The following PSG8 variants were observed in gnomAD, a reference collection of about 807,000 sequenced individuals.
The protein encoded by PSG8 is pregnancy-specific beta-1-glycoprotein 8.
PSG8 carries 57 observed loss-of-function variants against 42.5 expected under a neutral mutation model. The observed-to-expected ratio is 1.34, with a 90% CI of 1.08 to 1.67. The LOEUF is 1.67. PSG8 is among the 40% of genes most tolerant of loss of function. PSG8 has a pLI of 0.00. For missense variants in PSG8, 783 were observed against 518.6 expected (o/e 1.51, Z -4.95); for synonymous variants, 280 against 196.8 (o/e 1.42, Z -3.54).
In PSG8 at chr19:42,758,239, G is replaced by A; in HGVS notation, c.472C>T (p.Pro158Ser). Residue 158 changes from proline (P) to serine (S), a missense_variant, in exon 3 of 5, where the codon CCC (proline) becomes TCC (serine). Coordinates refer to ENST00000306511, the MANE Select transcript of PSG8 (RefSeq NM_182707.3). ...CTCACAGCCTCCATGGCCTCCCTGG[G>A]GTTTAATTTGCTGCTGGAGATGGAG... ...KPSISSSKLN[P>S]REAMEAVSLT... 11 of 1,613,980 alleles carry A rather than the reference G, an allele frequency of 6.8e-6. No individual in the cohort carries two copies. The highest frequency in any genetic ancestry group is 7.6e-6 in the Non-Finnish European group (9 of 1,179,938).
At chr19:42,753,982 A>G, downstream of PSG8, 1 of 652,462 alleles carries the variant, frequency 1.5e-6, no homozygotes, top group Non-Finnish European at 2.7e-6. Flanking sequence ...TATAAGCTAC[A>G]GATAGGTTAA....
chr19:42,760,615 C>G (rs1480604632), intron 2 of PSG8, among the ~76,000 whole-genome samples: 1 of 151,964 alleles, frequency 6.6e-6, no homozygotes, highest in African/African-American at 2.4e-5. Context: ...CAGAGTCTCA[C>G]TCTGTCACCC....
chr19:42,755,828 A>T (rs1356491770), intron 3 of PSG8: 1 of 159,174 alleles, frequency 6.3e-6, no homozygotes, highest in Non-Finnish European at 1.4e-5. Context: ...AGGTCAGTTC[A>T]GTCATCAGGC....
At position 42,764,153 on chromosome 19, in the gene PSG8, A is replaced by G. The variant is rs770223171; in HGVS notation, c.193T>C (p.Tyr65His). 1.9e-6 allele frequency: 3 copies of G among 1,613,922 alleles called. No homozygotes were observed. Among genetic ancestry groups the G allele is most frequent in the African/African-American group, 2.7e-5 (2 of 74,996 alleles). ...CTGATTTGCCCTTTGTACCAGATGT[A>G]GCCAGTAAGATTCTGGGGCAAATTG... Reference protein sequence around the residue: ...VHNLPQNLTGYIWYKGQIRDL... With the variant: ...VHNLPQNLTGHIWYKGQIRDL... Residue 65 changes from tyrosine (Y) to histidine (H), a missense_variant, in exon 2 of 5, where the codon TAC becomes CAC. Coordinates refer to ENST00000306511, the MANE Select transcript of PSG8 (RefSeq NM_182707.3).
intron 3 of PSG8, among the ~76,000 whole-genome samples, chr19:42,757,652 C>G (rs1039216146): frequency 2.0e-5 from 3 of 152,118 alleles, no homozygotes; most frequent in East Asian, 1.9e-4. Flanking sequence ...GGGAAAATCT[C>G]GTCTGTGGAA....
Position 42,758,048 on chromosome 19 carries a change from G to A in PSG8, c.663C>T (p.Asn221=), listed in dbSNP as rs146905361. 43 of 1,614,034 alleles carry A rather than the reference G, an allele frequency of 2.7e-5. No individual in the cohort carries two copies. The East Asian group carries it at 8.5e-4, about 32-fold the overall frequency. ...GGTCACTGCGGCTGGCACTCACTGG[G>A]TTCCGTATTTCACATTCATAGGGTC... ...TAGPYECEIR[N]PVSASRSDPF... The change falls in exon 3 of 5, where the codon AAC becomes AAT. Residue 221 remains asparagine, a synonymous_variant. Coordinates refer to ENST00000306511, the MANE Select transcript of PSG8 (RefSeq NM_182707.3).
At position 42,757,476 on chromosome 19, in the gene PSG8, C is replaced by T. The variant is rs529062313; in HGVS notation, c.709+526G>A. Among the ~76,000 whole-genome samples, 173 of 152,120 alleles carry T rather than the reference C, an allele frequency of 1.1e-3. 1 individual carries two copies. Among genetic ancestry groups the T allele is most frequent in the African/African-American group, 4.1e-3 (168 of 41,470 alleles). On this transcript the variant is annotated intron_variant, in intron 3 of 4. Coordinates refer to ENST00000306511, the MANE Select transcript of PSG8 (RefSeq NM_182707.3). ...CACTTGTGCTGATTGCTGGAACTTC[C>T]CATCAATCAGCCAAGAATGCTCTGC...
chr19:42,763,040 A>T lies in PSG8; in HGVS notation c.430+876T>A, dbSNP rs773653643. On this transcript the variant is annotated intron_variant, in intron 2 of 4. Transcript: ENST00000306511. ...CAGATAAGCTAAATGGCAAATGGAC[A>T]GTGGCTTTTCATGCTATCTGTGAAT... 7.9e-5 allele frequency among the ~76,000 whole-genome samples: 12 copies of T among 152,180 alleles called. 1 individual carries two copies. Among genetic ancestry groups the T allele is most frequent in the Non-Finnish European group, 7.4e-5 (5 of 68,020 alleles).
chr19:42,764,733 T>C (rs1600423832), intron 1 of PSG8, among the ~76,000 whole-genome samples: 2 of 152,088 alleles, frequency 1.3e-5, no homozygotes, highest in African/African-American at 4.8e-5. Flanking sequence ...ATTCTAGATC[T>C]CTTTGCATGT....
At chr19:42,754,639 G>A (rs780561292) in intron 4 of PSG8, 52 bp from the exon 5 acceptor site, 30 of 1,570,636 alleles carry the variant, frequency 1.9e-5, no homozygotes, top group South Asian at 1.8e-4. Context: ...GGAAGGGGAT[G>A]TTCCTGGTCT....
downstream of PSG8, chr19:42,753,867 T>C (rs954955553): frequency 6.3e-6 from 3 of 474,204 alleles, no homozygotes; most frequent in African/African-American, 4.1e-5. Flanking sequence ...CATAAACATA[T>C]CAATTCTCAT....
chr19:42,753,287 G>A, downstream of PSG8: 1 of 779,956 alleles, frequency 1.3e-6, no homozygotes, highest in Non-Finnish European at 2.4e-6. Flanking sequence ...AGCTTATAGG[G>A]CTTCTGGAAC....
At chr19:42,762,249 G>T (rs1022988659) in intron 2 of PSG8, among the ~76,000 whole-genome samples, 5 of 151,996 alleles carry the variant, frequency 3.3e-5, no homozygotes, top group African/African-American at 7.2e-5. Context: ...GAGAGGCAGA[G>T]ACACCATGGC....
chr19:42,760,749 AT>A (rs762754102), intron 2 of PSG8, among the ~76,000 whole-genome samples: 7 of 151,862 alleles, frequency 4.6e-5, no homozygotes, highest in Non-Finnish European at 7.4e-5. Flanking sequence ...TGGCTGGCTA[AT>A]TTTTTGTATT....
chr19:42,764,314 A>G lies in PSG8; in HGVS notation c.65-33T>C, dbSNP rs747271574. 5 of 1,596,936 alleles carry G rather than the reference A, an allele frequency of 3.1e-6. 1 individual carries two copies. Among genetic ancestry groups the G allele is most frequent in the Non-Finnish European group, 4.3e-6 (5 of 1,172,202 alleles). ...GTGGAGAGAGCATCAGTCAATATTG[A>G]GAGCTATGTATTGGTGTGAAAACAT... On this transcript the variant is annotated intron_variant, in intron 1 of 4. Transcript: ENST00000306511.
chr19:42,753,449 T>C (rs1427188199), downstream of PSG8: 1 of 767,916 alleles, frequency 1.3e-6, no homozygotes, highest in East Asian at 2.4e-5. Flanking sequence ...CTACAGTTTT[T>C]ATTTTCCACA....
At chr19:42,765,457 A>G (rs1412151028) in intron 1 of PSG8, 61 bp downstream of exon 1, 1 of 1,600,466 alleles carries the variant, frequency 6.2e-7, no homozygotes, top group Admixed American at 1.7e-5. Context: ...ACTCTCAAGG[A>G]GACCCCATCC....
At chr19:42,756,512 G>A (rs1969931137) in intron 3 of PSG8, among the ~76,000 whole-genome samples, 1 of 152,110 alleles carries the variant, frequency 6.6e-6, no homozygotes, top group African/African-American at 2.4e-5. Context: ...TACTGGTTTA[G>A]CATCCCAAAT....
At chr19:42,760,275 G>A (rs1020986584) in intron 2 of PSG8, among the ~76,000 whole-genome samples, 1 of 152,070 alleles carries the variant, frequency 6.6e-6, no homozygotes, top group Non-Finnish European at 1.5e-5. Flanking sequence ...TGTGGCAAAG[G>A]CAGTAAAACC....
Sources: allele counts gnomAD v4.1 joint callset (sites outside exome capture counted in the v4.1 genomes callset), GRCh38; gene constraint gnomAD v4.1.1; transcripts MANE v1.5; gene names NCBI Gene and HGNC (gene_info 2026-07-23, HGNC 2026-07-21).